The following DSCAML1 variants were observed in gnomAD, a reference collection of about 807,000 sequenced individuals.
DSCAML1 encodes DS cell adhesion molecule like 1.
DSCAML1 carries 38 observed loss-of-function variants against 200.5 expected under a neutral mutation model. That is an observed-to-expected ratio of 0.19 (90% CI 0.15 to 0.25). The LOEUF (loss-of-function observed/expected upper bound fraction) is 0.25, where lower values mean the gene tolerates loss of function less well. Ranked by LOEUF, DSCAML1 falls within the 10% of genes least tolerant of loss-of-function variation. The pLI, the probability that DSCAML1 is intolerant of heterozygous loss-of-function variation, is 1.00. For synonymous variants in DSCAML1, 1,215 were observed against 1,165.0 expected (o/e 1.04, Z -0.87); for missense variants, 2,223 against 2,858.8 (o/e 0.78, Z 5.07).
intron 3 of DSCAML1, among the ~76,000 whole-genome samples, chr11:117,720,873 T>C (rs2054031269): frequency 1.3e-5 from 2 of 152,186 alleles, no homozygotes; most frequent in Non-Finnish European, 2.9e-5. Context: ...CCATTACTAG[T>C]TAACCATCAT....
chr11:117,572,665 G>C (rs186362408), intron 3 of DSCAML1, among the ~76,000 whole-genome samples: 3 of 152,300 alleles, frequency 2.0e-5, no homozygotes, highest in African/African-American at 4.8e-5. Flanking sequence ...TAGGGGATTG[G>C]GGGGAGGCGG....
In DSCAML1 at chr11:117,437,580, AGGAGG is replaced by A. The variant is rs1221524692; in HGVS notation, c.4433-176_4433-172del. ...AAGCCCCAGGGCGCAGAGGAGGAAG[AGGAGG>A]GGAGGGAGGAGAGGGAAGAAAAGGG... On this transcript the variant is annotated intron_variant, in intron 25 of 32. Transcript: ENST00000651296. The surrounding 1 kb of genome is among the most constrained non-coding windows in gnomAD (Gnocchi z 5.3). Among the ~76,000 whole-genome samples the A allele has an allele frequency of 6.6e-6, 1 of 151,914 alleles. No individual in the cohort carries two copies. The highest frequency in any genetic ancestry group is 1.5e-5 in the Non-Finnish European group (1 of 67,966).
chr11:117,534,386 C>T (rs2050130551), intron 3 of DSCAML1, among the ~76,000 whole-genome samples: 1 of 152,210 alleles, frequency 6.6e-6, no homozygotes, highest in African/African-American at 2.4e-5. Flanking sequence ...GGCTGGGGAA[C>T]TCCCTCCCTC....
intron 4 of DSCAML1, among the ~76,000 whole-genome samples, chr11:117,526,560 C>T (rs1349940201): frequency 6.6e-6 from 1 of 151,972 alleles, no homozygotes; most frequent in Non-Finnish European, 1.5e-5. Flanking sequence ...ACTCTGTCAC[C>T]CAGGCTGGAG....
chr11:117,640,045 T>C (rs1017281111), intron 3 of DSCAML1, among the ~76,000 whole-genome samples: 1 of 152,172 alleles, frequency 6.6e-6, no homozygotes, highest in Non-Finnish European at 1.5e-5. Context: ...CTCTGGAGCT[T>C]GGGAGCTGCA....
intron 3 of DSCAML1, among the ~76,000 whole-genome samples, chr11:117,570,842 C>A (rs2050837083): frequency 3.9e-5 from 6 of 152,240 alleles, no homozygotes; most frequent in Admixed American, 3.9e-4. Flanking sequence ...TAAGAAGACA[C>A]TGGCCACGGC....
chr11:117,625,781 G>A lies in DSCAML1; in HGVS notation c.512-93259C>T, dbSNP rs1182309585. ...TGCCTGTGGGTGCTACTGGCATTTA[G>A]TGGGCAGGGTCCAGGGACACAAAAT... On this transcript the variant is annotated intron_variant, in intron 3 of 32. Coordinates refer to ENST00000651296, the MANE Select transcript of DSCAML1 (RefSeq NM_020693.4). 2.0e-5 allele frequency among the ~76,000 whole-genome samples: 3 copies of A among 152,244 alleles called. No homozygotes were observed. The East Asian group carries it at 5.8e-4, about 29-fold the overall frequency.
intron 3 of DSCAML1, among the ~76,000 whole-genome samples, chr11:117,731,548 T>A (rs906304955): frequency 9.2e-5 from 14 of 152,122 alleles, no homozygotes; most frequent in Admixed American, 3.3e-4. Flanking sequence ...CTCCTACACA[T>A]CTTTTAAGAC....
intron 19 of DSCAML1, among the ~76,000 whole-genome samples, chr11:117,452,697 T>G (rs1376009406): frequency 6.6e-6 from 1 of 152,020 alleles, no homozygotes; most frequent in African/African-American, 2.4e-5. Flanking sequence ...TTCTTTTCTT[T>G]TGTGGCTTCT....
rs1375635531 is a variant in DSCAML1, at chr11:117,433,160, G to A, written c.5004C>T (p.Asp1668=). Residue 1668 remains aspartate, a synonymous_variant, in exon 29 of 33, where the codon GAC becomes GAT. Transcript: ENST00000651296. ...CACCCAGTTGCTTGATGCCTTCTTT[G>A]TCCTCGATGAGCAGCTGGACCCTGG... ...DIPRVQLLIE[D]KEGIKQLGDD... is the part of the protein sequence containing the mutation. 1 of 1,613,946 alleles carries A rather than the reference G, an allele frequency of 6.2e-7. No individual in the cohort carries two copies. The highest frequency in any genetic ancestry group is 1.7e-5 in the Admixed American group (1 of 60,004).
rs115771283 is a variant in DSCAML1 at position 117,562,753 on chromosome 11, T to A, written c.512-30231A>T. On this transcript the variant is annotated intron_variant, in intron 3 of 32. Coordinates refer to ENST00000651296, the MANE Select transcript of DSCAML1 (RefSeq NM_020693.4). ...TCTTTCCTTGTTTTTCTTTTTCTGTTTTGAGACAGACTCTGTTGCCCAGGC... is the reference window on the plus strand; with the variant it reads ...TCTTTCCTTGTTTTTCTTTTTCTGTATTGAGACAGACTCTGTTGCCCAGGC... Among the ~76,000 whole-genome samples, 1,413 of 152,296 alleles carry A rather than the reference T, an allele frequency of 9.3e-3. 19 individuals are homozygous for A. The highest frequency in any genetic ancestry group is 0.032 in the African/African-American group (1,327 of 41,550).
chr11:117,757,243 C>T (rs1286659065), intron 3 of DSCAML1, among the ~76,000 whole-genome samples: 1 of 152,180 alleles, frequency 6.6e-6, no homozygotes, highest in East Asian at 1.9e-4. Context: ...ATCTAATCTT[C>T]TTAACACATA....
At chr11:117,644,944 C>T (rs957977053) in intron 3 of DSCAML1, among the ~76,000 whole-genome samples, 1 of 152,234 alleles carries the variant, frequency 6.6e-6, no homozygotes, top group Admixed American at 6.5e-5. Context: ...AGCACACTCA[C>T]GCTCTGTCCC....
Position 117,732,107 on chromosome 11 carries a change from T to C in DSCAML1, c.511+44684A>G, listed in dbSNP as rs200667378. Reference sequence around the variant, plus strand: ...AAGGCACTGCCCCTCCCAGGGACATTTGCATGTAAACAGCAGACTCCTGAA... The same window carrying C: ...AAGGCACTGCCCCTCCCAGGGACATCTGCATGTAAACAGCAGACTCCTGAA... On this transcript the variant is annotated intron_variant, in intron 3 of 32. Transcript: ENST00000651296. 4.6e-5 allele frequency among the ~76,000 whole-genome samples: 7 copies of C among 152,306 alleles called. No individual in the cohort carries two copies. The East Asian group carries it at 1.2e-3, about 25-fold the overall frequency.
intron 27 of DSCAML1, 61 bp downstream of exon 27, chr11:117,435,583 G>T: frequency 6.5e-7 from 1 of 1,527,776 alleles, no homozygotes; most frequent in Non-Finnish European, 8.9e-7. Flanking sequence ...AGGGAAGGGG[G>T]GGGACAATGT....
intron 3 of DSCAML1, among the ~76,000 whole-genome samples, chr11:117,597,594 G>A (rs964722010): frequency 5.3e-5 from 8 of 152,148 alleles, no homozygotes; most frequent in East Asian, 3.9e-4. Context: ...AACTACAGGC[G>A]TGCATCACCA....
At chr11:117,620,192 G>A (rs1325367293) in intron 3 of DSCAML1, among the ~76,000 whole-genome samples, 1 of 152,034 alleles carries the variant, frequency 6.6e-6, no homozygotes, top group African/African-American at 2.4e-5. Context: ...TAAAGCCCTG[G>A]CTAAAACTCT....
In DSCAML1 at chr11:117,530,510, C is replaced by A. The variant is rs115958033; in HGVS notation, c.658+1866G>T. ...TGGGGCTGCACGGAGCAGCCCCGTC[C>A]CCTACTCTTATGACAGCACGGTTTC... On this transcript the variant is annotated intron_variant, in intron 4 of 32. Transcript: ENST00000651296. Among the ~76,000 whole-genome samples, 130 of 152,298 alleles carry A rather than the reference C, an allele frequency of 8.5e-4. 2 individuals carry two copies. The highest frequency in any genetic ancestry group is 3.0e-3 in the African/African-American group (125 of 41,564).
chr11:117,438,206 T>A, intron 24 of DSCAML1, 123 bp from the exon 25 acceptor site: 1 of 965,740 alleles, frequency 1.0e-6, no homozygotes, highest in Non-Finnish European at 1.5e-6. Context: ...TTTTGGTCAT[T>A]GGAACGGGCA....
Sources: gnomAD v4.1 joint callset for allele counts (sites outside exome capture counted in the v4.1 genomes callset) on GRCh38, gnomAD v4.1.1 for gene constraint, Gnocchi (gnomAD v3.1) non-coding constraint, MANE v1.5 for transcripts, NCBI Gene and HGNC (gene_info 2026-07-23, HGNC 2026-07-21) for gene names.